The following PTPRO variants were observed in gnomAD, a reference collection of about 807,000 sequenced individuals.
The protein encoded by PTPRO is receptor-type tyrosine-protein phosphatase O.
Under a neutral mutation model 145.2 loss-of-function variants are expected in PTPRO, and 62 were observed. The ratio of observed to expected loss-of-function variants is 0.43; its 90% CI spans 0.35 to 0.53. The LOEUF is 0.53. PTPRO is among the 20% of genes least tolerant of loss of function. The probability of loss-of-function intolerance (pLI) is 0.01; values close to 1 mark genes in which losing one functional copy is unlikely to be tolerated. For synonymous variants in PTPRO, 565 were observed against 514.7 expected, an observed-to-expected ratio of 1.10 and a Z score of -1.32; for missense variants, 1,345 against 1,482.7, an observed-to-expected ratio of 0.91 and a Z score of 1.53.
intron 5 of PTPRO, among the ~76,000 whole-genome samples, chr12:15,502,868 T>C (rs1046992718): frequency 2.6e-5 from 4 of 152,122 alleles, no homozygotes; most frequent in African/African-American, 7.2e-5. Flanking sequence ...GCAGAGGTTA[T>C]AATTTGTAAA....
In PTPRO at chr12:15,328,245, A is replaced by AT. The variant is rs564521523; in HGVS notation, c.75+5452dup. Among the ~76,000 whole-genome samples, 256 of 151,936 alleles carry AT rather than the reference A, an allele frequency of 1.7e-3. 2 individuals are homozygous for AT. Among genetic ancestry groups the AT allele is most frequent in the African/African-American group, 5.9e-3 (244 of 41,428 alleles). ...AGGTCTTCAGAACACCAATCCTTAG[A>AT]TTTTTTTTCCTCTGCACATTGTACC... On this transcript the variant is annotated intron_variant, in intron 1 of 26. Coordinates refer to ENST00000281171, the MANE Select transcript of PTPRO (RefSeq NM_030667.3).
chr12:15,459,179 C>T (rs2136393201), intron 1 of PTPRO, among the ~76,000 whole-genome samples: 1 of 152,280 alleles, frequency 6.6e-6, no homozygotes, highest in African/African-American at 2.4e-5. Flanking sequence ...TGTGATCCAA[C>T]TCTTTTCTTC....
intron 1 of PTPRO, chr12:15,439,709 G>A (rs11056489): frequency 0.15 from 72,156 of 489,196 alleles, 5,691 homozygotes; most frequent in African/African-American, 0.21. Context: ...GTGGATGCCC[G>A]TCACCGAGCT....
intron 1 of PTPRO, among the ~76,000 whole-genome samples, chr12:15,478,524 C>T (rs567965218): frequency 1.2e-3 from 179 of 152,196 alleles, no homozygotes; most frequent in Non-Finnish European, 2.2e-3. Context: ...TTAAGGATTA[C>T]AAACCTTTGC....
intron 1 of PTPRO, among the ~76,000 whole-genome samples, chr12:15,460,174 T>G (rs1941270119): frequency 6.6e-6 from 1 of 152,194 alleles, no homozygotes; most frequent in South Asian, 2.1e-4. Flanking sequence ...TGGCTCAGGA[T>G]CTTGCTGGTG....
chr12:15,477,633 G>A (rs1274338879), intron 1 of PTPRO, among the ~76,000 whole-genome samples: 2 of 152,122 alleles, frequency 1.3e-5, no homozygotes, highest in Non-Finnish European at 2.9e-5. Context: ...GGGGCATTAA[G>A]GAGGAGCAGG....
intron 1 of PTPRO, among the ~76,000 whole-genome samples, chr12:15,355,729 A>T (rs1937966086): frequency 6.6e-6 from 1 of 152,202 alleles, no homozygotes. Context: ...GACAGTTTTA[A>T]TGTTTATTGA....
intron 1 of PTPRO, among the ~76,000 whole-genome samples, chr12:15,455,149 G>T (rs938362476): frequency 6.6e-6 from 1 of 151,936 alleles, no homozygotes; most frequent in Non-Finnish European, 1.5e-5. Context: ...GATAATATTT[G>T]CACATCCTGT....
chr12:15,469,995 C>T (rs1941503938), intron 1 of PTPRO, among the ~76,000 whole-genome samples: 2 of 152,118 alleles, frequency 1.3e-5, no homozygotes, highest in Non-Finnish European at 1.5e-5. Context: ...CCTTAAATAA[C>T]TGAGGTTCAA....
chr12:15,563,388 C>T (rs1943823509), intron 17 of PTPRO, among the ~76,000 whole-genome samples: 1 of 151,966 alleles, frequency 6.6e-6, no homozygotes, highest in African/African-American at 2.4e-5. Context: ...TGAATTTTCC[C>T]CTGGTTTTAG....
intron 1 of PTPRO, among the ~76,000 whole-genome samples, chr12:15,468,809 G>A (rs1174796121): frequency 6.6e-6 from 1 of 152,170 alleles, no homozygotes; most frequent in African/African-American, 2.4e-5. Flanking sequence ...TCTGTGTAAA[G>A]GATTGCCCTA....
intron 1 of PTPRO, among the ~76,000 whole-genome samples, chr12:15,445,698 T>C (rs1192331873): frequency 6.6e-6 from 1 of 152,150 alleles, no homozygotes; most frequent in Non-Finnish European, 1.5e-5. Flanking sequence ...AAAAATGTAG[T>C]TTGGTATCTC....
At chr12:15,495,483 T>C (rs7970614) in intron 2 of PTPRO, among the ~76,000 whole-genome samples, 31,341 of 151,300 alleles carry the variant, frequency 0.21, 4,090 homozygotes, top group Admixed American at 0.31. Context: ...AAGTTTAAAC[T>C]AAGGACATTT....
intron 1 of PTPRO, among the ~76,000 whole-genome samples, chr12:15,404,928 T>C (rs910507114): frequency 6.6e-5 from 10 of 152,190 alleles, no homozygotes; most frequent in African/African-American, 2.4e-4. Context: ...CCAGTTTGGT[T>C]CTTGGTGAGG....
At chr12:15,376,543 A>G (rs1018184598) in intron 1 of PTPRO, among the ~76,000 whole-genome samples, 5 of 152,198 alleles carry the variant, frequency 3.3e-5, no homozygotes, top group African/African-American at 1.2e-4. Flanking sequence ...ATAAGTATAC[A>G]GTAGTCTTAG....
chr12:15,419,928 A>T lies in PTPRO; in HGVS notation c.76-64046A>T, dbSNP rs896802623. Among the ~76,000 whole-genome samples, 27 of 150,928 alleles carry T rather than the reference A, an allele frequency of 1.8e-4. No homozygotes were observed. In the East Asian group the frequency reaches 4.9e-3, roughly 27 times the overall value. On this transcript the variant is annotated intron_variant, in intron 1 of 26. Coordinates refer to ENST00000281171, the MANE Select transcript of PTPRO (RefSeq NM_030667.3). ...TTTGGGAGGCTGAGGTGGGTGGATC[A>T]CGAGGTCAGGAGATCGAGACAATCG...
intron 1 of PTPRO, among the ~76,000 whole-genome samples, chr12:15,372,200 C>A (rs993434892): frequency 3.3e-5 from 5 of 152,086 alleles, no homozygotes; most frequent in African/African-American, 1.2e-4. Flanking sequence ...CCTAATGAAT[C>A]ATTTATATAC....
intron 17 of PTPRO, among the ~76,000 whole-genome samples, chr12:15,561,282 G>A (rs1943766381): frequency 6.6e-6 from 1 of 152,022 alleles, no homozygotes; most frequent in African/African-American, 2.4e-5. Context: ...GGTATGAAAA[G>A]CAATCTGGAG....
chr12:15,372,662 G>A (rs1031954508), intron 1 of PTPRO, among the ~76,000 whole-genome samples: 23 of 152,226 alleles, frequency 1.5e-4, no homozygotes, highest in East Asian at 1.2e-3. Flanking sequence ...GAAATACCAC[G>A]CAAGACATTG....
Sources: allele counts gnomAD v4.1 joint callset (sites outside exome capture counted in the v4.1 genomes callset), GRCh38; gene constraint gnomAD v4.1.1; transcripts MANE v1.5; gene names NCBI Gene and HGNC (gene_info 2026-07-23, HGNC 2026-07-21).